The following NDST3 variants were observed in gnomAD, a reference collection of about 807,000 sequenced individuals.
NDST3 encodes the protein bifunctional heparan sulfate N-deacetylase/N-sulfotransferase 3.
A neutral mutation model predicts 96.1 loss-of-function variants in NDST3; 58 were observed. The observed-to-expected ratio is 0.60, with a 90% CI of 0.49 to 0.75. The LOEUF is 0.75. Ranked by LOEUF, NDST3 falls within the 30% of genes least tolerant of loss-of-function variation. NDST3 has a pLI of 0.00. For synonymous variants in NDST3, 333 were observed against 359.7 expected, an observed-to-expected ratio of 0.93 and a Z score of 0.84; for missense variants, 788 against 1,034.2, an observed-to-expected ratio of 0.76 and a Z score of 3.27.
intron 4 of NDST3, among the ~76,000 whole-genome samples, chr4:118,126,839 A>G (rs1242579459): frequency 1.3e-5 from 2 of 152,040 alleles, no homozygotes; most frequent in Non-Finnish European, 2.9e-5. Context: ...TTTTCTCTAC[A>G]TCTCTCCAGC....
intron 2 of NDST3, among the ~76,000 whole-genome samples, chr4:118,068,161 GATCT>G (rs1388137309): frequency 3.1e-5 from 4 of 128,890 alleles, no homozygotes; most frequent in Non-Finnish European, 3.2e-5. Flanking sequence ...GCTTATACTT[GATCT>G]CTTTTTTTTT....
chr4:118,238,643 C>T (rs2126004872), intron 10 of NDST3, among the ~76,000 whole-genome samples: 1 of 152,278 alleles, frequency 6.6e-6, no homozygotes, highest in African/African-American at 2.4e-5. Context: ...TAATGACTAC[C>T]ATGTGCAAAG....
At chr4:118,203,642 G>A (rs1236823335) in intron 6 of NDST3, among the ~76,000 whole-genome samples, 5 of 152,138 alleles carry the variant, frequency 3.3e-5, no homozygotes, top group Non-Finnish European at 7.4e-5. Flanking sequence ...CAAGTGCAGT[G>A]TTGTTTCTTT....
At chr4:118,083,854 G>A (rs1378319292) in intron 2 of NDST3, among the ~76,000 whole-genome samples, 7 of 152,198 alleles carry the variant, frequency 4.6e-5, no homozygotes, top group Non-Finnish European at 8.8e-5. Context: ...GTCTGACTCT[G>A]TGCCTTTACA....
chr4:118,143,364 C>G (rs1471569512), intron 5 of NDST3, among the ~76,000 whole-genome samples, 192 bp from the exon 6 acceptor site: 3 of 152,056 alleles, frequency 2.0e-5, no homozygotes, highest in African/African-American at 7.2e-5. Context: ...AATATTTCTT[C>G]AACTTTCTTC....
intron 6 of NDST3, among the ~76,000 whole-genome samples, chr4:118,144,912 A>G (rs1242397219): frequency 6.6e-6 from 1 of 152,148 alleles, no homozygotes; most frequent in African/African-American, 2.4e-5. Flanking sequence ...TTCTGCTTGT[A>G]TTCATCACTA....
chr4:118,080,783 T>C (rs1192803130), intron 2 of NDST3, among the ~76,000 whole-genome samples: 2 of 152,090 alleles, frequency 1.3e-5, no homozygotes, highest in Non-Finnish European at 2.9e-5. Flanking sequence ...ATAATCTGTG[T>C]TTTCCATGGC....
chr4:118,132,392 A>T (rs747158003), intron 4 of NDST3, among the ~76,000 whole-genome samples: 1 of 152,012 alleles, frequency 6.6e-6, no homozygotes, highest in Non-Finnish European at 1.5e-5. Context: ...GGCAATTTTC[A>T]CTTAAGCCCA....
intron 2 of NDST3, among the ~76,000 whole-genome samples, chr4:118,065,717 T>C (rs1726257492): frequency 6.6e-6 from 1 of 151,908 alleles, no homozygotes; most frequent in African/African-American, 2.4e-5. Context: ...AGTGCCCTTA[T>C]TGTATTGGCC....
At chr4:118,240,503 T>C (rs746073281) in intron 10 of NDST3, 21 bp from the exon 11 acceptor site, 2 of 1,569,684 alleles carry the variant, frequency 1.3e-6, no homozygotes, top group African/African-American at 1.4e-5. Flanking sequence ...ATTAGTTTAA[T>C]TATCCACCTT....
intron 6 of NDST3, among the ~76,000 whole-genome samples, chr4:118,155,312 T>C (rs1310604877): frequency 6.6e-6 from 1 of 152,190 alleles, no homozygotes; most frequent in East Asian, 1.9e-4. Context: ...TGTGTGTAGT[T>C]TGCACATTCA....
chr4:118,239,553 G>A (rs1174330617), intron 10 of NDST3, among the ~76,000 whole-genome samples: 1 of 152,132 alleles, frequency 6.6e-6, no homozygotes, highest in Non-Finnish European at 1.5e-5. Flanking sequence ...GGAGAAAAGA[G>A]AAATAAGCCT....
intron 1 of NDST3, among the ~76,000 whole-genome samples, chr4:118,039,169 A>C (rs1444422970): frequency 1.3e-5 from 2 of 152,234 alleles, no homozygotes; most frequent in Non-Finnish European, 2.9e-5. Context: ...GAATTCTGAA[A>C]AATCTCAGAA....
intron 2 of NDST3, among the ~76,000 whole-genome samples, chr4:118,061,076 C>T (rs12505642): frequency 1.3e-5 from 2 of 151,934 alleles, no homozygotes; most frequent in Admixed American, 1.3e-4. Flanking sequence ...TCATGACCCC[C>T]CTCTGCTCAA....
chr4:118,196,350 C>T (rs1335212508), intron 6 of NDST3, among the ~76,000 whole-genome samples: 1 of 152,100 alleles, frequency 6.6e-6, no homozygotes, highest in East Asian at 1.9e-4. Context: ...CAGAGTAATA[C>T]TGGCTTCATA....
chr4:118,230,181 T>C (rs1238504125), intron 8 of NDST3, among the ~76,000 whole-genome samples: 1 of 152,196 alleles, frequency 6.6e-6, no homozygotes, highest in East Asian at 1.9e-4. Flanking sequence ...GGAGCTTTTT[T>C]CCTCCAATAA....
At chr4:118,093,226 T>G (rs1466381584) in intron 2 of NDST3, among the ~76,000 whole-genome samples, 1 of 151,848 alleles carries the variant, frequency 6.6e-6, no homozygotes, top group Non-Finnish European at 1.5e-5. Flanking sequence ...TATTAATTTT[T>G]TATACATATG....
chr4:118,094,757 G>A (rs1022589287), intron 2 of NDST3, among the ~76,000 whole-genome samples: 10 of 151,826 alleles, frequency 6.6e-5, no homozygotes, highest in African/African-American at 2.4e-4. Context: ...CATTGTAGAG[G>A]CAGAGGTTAC....
chr4:118,083,507 C>T (rs1399745686), intron 2 of NDST3, among the ~76,000 whole-genome samples: 1 of 152,062 alleles, frequency 6.6e-6, no homozygotes, highest in Non-Finnish European at 1.5e-5. Context: ...ATTGTCAGTA[C>T]CCTTTGATGA....
Sources: gnomAD v4.1 joint callset for allele counts (sites outside exome capture counted in the v4.1 genomes callset) on GRCh38, gnomAD v4.1.1 for gene constraint, MANE v1.5 for transcripts, NCBI Gene and HGNC (gene_info 2026-07-23, HGNC 2026-07-21) for gene names.